Variants in MIA2 observed in about 807,000 individuals in gnomAD.
The protein encoded by MIA2 is melanoma inhibitory activity protein 2.
A neutral mutation model predicts 167.8 loss-of-function variants in MIA2; 127 were observed. That is an observed-to-expected ratio of 0.76 (90% CI 0.66 to 0.88). The LOEUF is 0.88. MIA2 is among the 40% of genes least tolerant of loss of function. The probability of loss-of-function intolerance (pLI) is 0.00; values close to 1 mark genes in which losing one functional copy is unlikely to be tolerated. For synonymous variants in MIA2, 552 were observed against 541.9 expected (o/e 1.02, Z -0.26); for missense variants, 1,690 against 1,624.7 (o/e 1.04, Z -0.69).
At chr14:39,378,588 T>A (rs895191301) in intron 23 of MIA2, among the ~76,000 whole-genome samples, 2 of 152,240 alleles carry the variant, frequency 1.3e-5, no homozygotes, top group Non-Finnish European at 2.9e-5. Context: ...TTTAGTTACT[T>A]CTTTGGCATA....
At chr14:39,333,838 A>G (rs144195030) in intron 25 of MIA2, among the ~76,000 whole-genome samples, 33 of 152,260 alleles carry the variant, frequency 2.2e-4, no homozygotes, top group African/African-American at 7.7e-4. Context: ...GTACTTTTCA[A>G]TCATTTGTGA....
At chr14:39,380,373 G>T (rs1363015717) in intron 23 of MIA2, among the ~76,000 whole-genome samples, 1 of 152,084 alleles carries the variant, frequency 6.6e-6, no homozygotes, top group Non-Finnish European at 1.5e-5. Flanking sequence ...TCAAAATATA[G>T]AGAGAAAGTC....
rs368247840 is a variant in MIA2 at position 39,335,567 on chromosome 14, A to G, written c.3655+8545A>G. 5.9e-5 allele frequency among the ~76,000 whole-genome samples: 9 copies of G among 152,304 alleles called. No individual in the cohort carries two copies. In the East Asian group the frequency reaches 1.2e-3, roughly 20 times the overall value. On this transcript the variant is annotated intron_variant, in intron 25 of 28. Transcript: ENST00000640607. ...ACTGCTCTAACTTATCTCTTTTCTCATATGCCCTATTCCAGACATTCTTTT... is the reference window on the plus strand; with the variant it reads ...ACTGCTCTAACTTATCTCTTTTCTCGTATGCCCTATTCCAGACATTCTTTT...
chr14:39,280,564 C>G (rs1355886414), intron 9 of MIA2, among the ~76,000 whole-genome samples: 1 of 151,992 alleles, frequency 6.6e-6, no homozygotes, highest in Non-Finnish European at 1.5e-5. Flanking sequence ...AACCCCGTCC[C>G]TACTAAAAAT....
rs866657736 is a variant in MIA2, at chr14:39,288,447, A to T, written c.2131-2572A>T. Among the ~76,000 whole-genome samples, 36 of 4,568 alleles carry T rather than the reference A, an allele frequency of 7.9e-3. 5 individuals are homozygous for T. Among genetic ancestry groups the T allele is most frequent in the South Asian group, 0.021 (4 of 194 alleles). 3.0% of individuals were successfully genotyped at this position (4,568 alleles called of 152,430 possible). Reference sequence around the variant, plus strand: ...ATATATTATACATATATATATATATATATATATATATATATATATATATAT... The same window carrying T: ...ATATATTATACATATATATATATATTTATATATATATATATATATATATAT... On this transcript the variant is annotated intron_variant, in intron 9 of 28. Coordinates refer to ENST00000640607, the MANE Select transcript of MIA2 (RefSeq NM_001329214.4).
intron 6 of MIA2, among the ~76,000 whole-genome samples, chr14:39,255,973 G>C (rs935449327): frequency 6.6e-6 from 1 of 152,184 alleles, no homozygotes; most frequent in African/African-American, 2.4e-5. Context: ...GCTGAGATGA[G>C]ATCACAGGCT....
chr14:39,286,019 C>T (rs926955423), intron 9 of MIA2, among the ~76,000 whole-genome samples: 12 of 152,154 alleles, frequency 7.9e-5, no homozygotes, highest in Admixed American at 2.6e-4. Flanking sequence ...CAGGCAGAGA[C>T]GCTCTTCACT....
intron 9 of MIA2, among the ~76,000 whole-genome samples, chr14:39,280,998 C>T (rs2058849487): frequency 7.6e-6 from 1 of 131,636 alleles, no homozygotes; most frequent in South Asian, 2.7e-4. Context: ...TCTTGGCTCA[C>T]TTCAATCTCC....
intron 23 of MIA2, chr14:39,386,070 CT>C: frequency 7.9e-7 from 1 of 1,267,994 alleles, no homozygotes; most frequent in East Asian, 2.3e-5. Context: ...GGCCTACTGT[CT>C]TTAAGAAACC....
chr14:39,265,272 A>G (rs2152665837), intron 6 of MIA2: 1 of 790,628 alleles, frequency 1.3e-6, no homozygotes, highest in East Asian at 2.7e-5. Flanking sequence ...TCAAAACGGG[A>G]TCACAGTGTG....
chr14:39,348,978 G>T lies in MIA2; in HGVS notation c.4072+1G>T, dbSNP rs1451146363. ...GGTCCACCACCTGCTCCATTTGCAA[G>T]TATGCTTTTTTAAACTTTTTTTTTA... is the stretch of plus-strand genomic sequence containing the variant. On this transcript the variant is annotated splice_donor_variant, in intron 28 of 28. Coordinates refer to ENST00000640607, the MANE Select transcript of MIA2 (RefSeq NM_001329214.4). LOFTEE classifies it high-confidence loss of function. The T allele has an allele frequency of 8.7e-6, 14 of 1,612,102 alleles. No homozygotes were observed. The highest frequency in any genetic ancestry group is 1.2e-5 in the Non-Finnish European group (14 of 1,178,342).
chr14:39,305,385 T>C (rs1446621897), intron 17 of MIA2, among the ~76,000 whole-genome samples: 1 of 152,184 alleles, frequency 6.6e-6, no homozygotes, highest in Non-Finnish European at 1.5e-5. Context: ...GGCAAGGAAA[T>C]TTGCTCACCA....
rs947877248 is a variant in MIA2 at position 39,279,243 on chromosome 14, C to T, written c.2020-94C>T. 1.7e-5 allele frequency: 17 copies of T among 981,566 alleles called. 1 individual carries two copies. Among genetic ancestry groups the T allele is most frequent in the Admixed American group, 4.7e-5 (2 of 42,972 alleles). 60.8% of individuals were successfully genotyped at this position (981,566 alleles called of 1,614,324 possible). ...GTATTTATACAAAGGCAATAAGAAA[C>T]CTGTATTTCTAAGTTGGCAGTAGAC... On this transcript the variant is annotated intron_variant, in intron 7 of 28. Transcript: ENST00000640607.
intron 6 of MIA2, among the ~76,000 whole-genome samples, chr14:39,268,156 CCTT>C (rs1381844708): frequency 4.6e-5 from 7 of 151,998 alleles, no homozygotes; most frequent in East Asian, 1.9e-4. Flanking sequence ...AGATTTTTCT[CCTT>C]AAGTGTTTCT....
intron 23 of MIA2, among the ~76,000 whole-genome samples, chr14:39,319,639 T>C (rs2066066490): frequency 6.6e-6 from 1 of 152,100 alleles, no homozygotes; most frequent in Non-Finnish European, 1.5e-5. Flanking sequence ...TTACATGGAC[T>C]AGCATTGTGA....
intron 23 of MIA2, among the ~76,000 whole-genome samples, chr14:39,366,507 G>A (rs182399159): frequency 1.4e-3 from 209 of 152,282 alleles, no homozygotes; most frequent in Non-Finnish European, 2.3e-3. Context: ...CTCAGGGCAC[G>A]TGCCAGCGAG....
chr14:39,233,999 C>A lies in MIA2; in HGVS notation c.-116C>A, dbSNP rs1010968157. 5.9e-5 allele frequency: 31 copies of A among 525,300 alleles called. No individual in the cohort carries two copies. The highest frequency in any genetic ancestry group is 2.8e-4 in the Admixed American group (7 of 24,566). 32.5% of individuals were successfully genotyped at this position (525,300 alleles called of 1,614,324 possible). On this transcript the variant is annotated 5_prime_UTR_variant, in exon 1 of 29. Coordinates refer to ENST00000640607, the MANE Select transcript of MIA2 (RefSeq NM_001329214.4). ...ATCAAGAGATTTTTAAAACTTCAAC[C>A]CTTTTTCTCTTATAGTTAGTGAAGA...
chr14:39,370,523 C>A, intron 23 of MIA2: 1 of 321,442 alleles, frequency 3.1e-6, no homozygotes, highest in South Asian at 3.3e-5. Context: ...GCCAGATTGT[C>A]ATGGAGACTG....
At chr14:39,286,453 G>A (rs1164219789) in intron 9 of MIA2, among the ~76,000 whole-genome samples, 1 of 152,066 alleles carries the variant, frequency 6.6e-6, no homozygotes, top group Non-Finnish European at 1.5e-5. Flanking sequence ...AGAGGGGAGA[G>A]GGAGAGGGAG....
Sources: gnomAD v4.1 joint callset for allele counts (sites outside exome capture counted in the v4.1 genomes callset) on GRCh38, gnomAD v4.1.1 for gene constraint, MANE v1.5 for transcripts, NCBI Gene and HGNC (gene_info 2026-07-23, HGNC 2026-07-21) for gene names.